The following CTNNA2 variants were observed in gnomAD, a reference collection of about 807,000 sequenced individuals.
CTNNA2 encodes the protein catenin alpha 2.
In CTNNA2, 42 loss-of-function variants were observed where a neutral mutation model predicts 101.0. That is an observed-to-expected ratio of 0.42 (90% CI 0.32 to 0.54). The LOEUF (loss-of-function observed/expected upper bound fraction) is 0.54, where lower values mean the gene tolerates loss of function less well. Among genes scored for constraint, CTNNA2 ranks in the 20% least tolerant of loss-of-function variants. CTNNA2 has a pLI of 0.14. For missense variants in CTNNA2, 871 were observed against 1,223.1 expected (o/e 0.71, Z 4.29); for synonymous variants, 450 against 456.4 (o/e 0.99, Z 0.18).
chr2:79,679,879 C>G (rs150308751), intron 2 of CTNNA2, among the ~76,000 whole-genome samples: 172 of 152,224 alleles, frequency 1.1e-3, no homozygotes, highest in African/African-American at 3.9e-3. Flanking sequence ...AACACAGAGA[C>G]AGTCTCCATG....
At position 80,508,127 on chromosome 2, in the gene CTNNA2, T is replaced by C. The variant is rs1688416063; in HGVS notation, c.1291-36855T>C. 2.0e-5 allele frequency among the ~76,000 whole-genome samples: 3 copies of C among 152,138 alleles called. No homozygotes were observed. The South Asian group carries it at 6.2e-4, about 32-fold the overall frequency. ...TAAGTTAACTCCCAACTTTTACACT[T>C]GCTGGTTAAATGTGAGACGGGTACT... On this transcript the variant is annotated intron_variant, in intron 9 of 18. Transcript: ENST00000402739.
At chr2:80,078,009 A>T (rs1000768234) in intron 7 of CTNNA2, among the ~76,000 whole-genome samples, 29 of 152,226 alleles carry the variant, frequency 1.9e-4, no homozygotes, top group African/African-American at 5.8e-4. Context: ...AGCAATTCAG[A>T]AAATAAAAGG....
chr2:80,599,137 A>G (rs1697244404), intron 15 of CTNNA2, among the ~76,000 whole-genome samples: 1 of 152,202 alleles, frequency 6.6e-6, no homozygotes, highest in Admixed American at 6.5e-5. Flanking sequence ...AGAATCTGTA[A>G]TATTTCAAAA....
chr2:80,603,898 C>T (rs1327188465), intron 15 of CTNNA2, 176 bp from the exon 16 acceptor site: 3 of 519,074 alleles, frequency 5.8e-6, no homozygotes, highest in Non-Finnish European at 1.0e-5. Flanking sequence ...GAAAATATTT[C>T]CAAAAACGAC....
chr2:79,674,232 A>G (rs776988932), intron 2 of CTNNA2, among the ~76,000 whole-genome samples: 5 of 152,184 alleles, frequency 3.3e-5, no homozygotes, highest in Non-Finnish European at 7.3e-5. Flanking sequence ...CAGTGGCCCT[A>G]TTTTAGAGAA....
chr2:80,641,651 G>GAAGTTCACCA (rs1673499838), intron 18 of CTNNA2, among the ~76,000 whole-genome samples: 1 of 151,916 alleles, frequency 6.6e-6, no homozygotes, highest in South Asian at 2.1e-4. Context: ...CTTACCTCAG[G>GAAGTTCACCA]AAGTTCACCA....
rs1435741709 is a variant in CTNNA2, at chr2:80,648,693, G to T, written c.*821G>T. On this transcript the variant is annotated 3_prime_UTR_variant, in exon 19 of 19. Transcript: ENST00000402739. ...AACTGACAACGTGTGAAAGTTAGAG[G>T]CAAATACATAGGTGTAGCTTGGAGT... The T allele has an allele frequency of 2.0e-5, 3 of 152,052 alleles. No individual in the cohort carries two copies. The highest frequency in any genetic ancestry group is 4.4e-5 in the Non-Finnish European group (3 of 68,012). 9.4% of individuals were successfully genotyped at this position (152,052 alleles called of 1,614,324 possible).
chr2:80,286,217 C>T lies in CTNNA2; in HGVS notation c.1057-106994C>T, dbSNP rs550765216. On this transcript the variant is annotated intron_variant, in intron 7 of 18. Coordinates refer to ENST00000402739, the MANE Select transcript of CTNNA2 (RefSeq NM_001282597.3). ...GATAGACCCACTGGTGGCCATGACCCAGCCTCCTAAGGAGCCCTCCGTACC... is the reference window on the plus strand; with the variant it reads ...GATAGACCCACTGGTGGCCATGACCTAGCCTCCTAAGGAGCCCTCCGTACC... 3.9e-5 allele frequency among the ~76,000 whole-genome samples: 6 copies of T among 152,250 alleles called. No individual in the cohort carries two copies. In the East Asian group the frequency reaches 7.8e-4, roughly 20 times the overall value.
chr2:79,354,049 A>C (rs966878), intron 3 of CTNNA2, among the ~76,000 whole-genome samples: 117,107 of 152,060 alleles, frequency 0.77, 45,400 homozygotes, highest in East Asian at 0.96. Context: ...CCTATGCTAG[A>C]CTGTTGGAGT....
At chr2:79,853,222 T>C (rs1297472206) in intron 3 of CTNNA2, among the ~76,000 whole-genome samples, 1 of 151,498 alleles carries the variant, frequency 6.6e-6, no homozygotes, top group Non-Finnish European at 1.5e-5. Flanking sequence ...GGTGCAATGA[T>C]AGTTCACTGC....
At chr2:79,359,020 G>T in intron 3 of CTNNA2, among the ~76,000 whole-genome samples, 1 of 152,148 alleles carries the variant, frequency 6.6e-6, no homozygotes, top group South Asian at 2.1e-4. Context: ...ACACCTACTA[G>T]ATATAACATA....
intron 7 of CTNNA2, among the ~76,000 whole-genome samples, chr2:80,104,773 G>C (rs1300917297): frequency 6.6e-6 from 1 of 152,234 alleles, no homozygotes; most frequent in East Asian, 1.9e-4. Context: ...AAGGAGGACT[G>C]CATAGCCAAG....
chr2:80,089,445 C>T (rs1307533159), intron 7 of CTNNA2, among the ~76,000 whole-genome samples: 2 of 151,894 alleles, frequency 1.3e-5, no homozygotes, highest in African/African-American at 2.4e-5. Flanking sequence ...CTCCCTTTTG[C>T]ATTTTGGGGG....
chr2:80,119,363 C>A lies in CTNNA2; in HGVS notation c.1056+209566C>A, dbSNP rs1048894111. On this transcript the variant is annotated intron_variant, in intron 7 of 18. Coordinates refer to ENST00000402739, the MANE Select transcript of CTNNA2 (RefSeq NM_001282597.3). ...CATGACAGGAAGAAATGCAGAGGGACAGGGATTGGGGAGACATAGCTGGCA... is the reference window on the plus strand; with the variant it reads ...CATGACAGGAAGAAATGCAGAGGGAAAGGGATTGGGGAGACATAGCTGGCA... Among the ~76,000 whole-genome samples the A allele has an allele frequency of 3.7e-4, 57 of 152,208 alleles. 1 individual carries two copies. The highest frequency in any genetic ancestry group is 1.3e-4 in the Non-Finnish European group (9 of 68,028).
chr2:79,564,221 T>TTTA (rs1674968196), intron 1 of CTNNA2, among the ~76,000 whole-genome samples: 1 of 151,572 alleles, frequency 6.6e-6, no homozygotes, highest in East Asian at 1.9e-4. Context: ...GTTATATACT[T>TTTA]TTAAAGATTT....
chr2:79,944,536 A>G (rs1228029827), intron 7 of CTNNA2, among the ~76,000 whole-genome samples: 1 of 152,170 alleles, frequency 6.6e-6, no homozygotes, highest in Non-Finnish European at 1.5e-5. Flanking sequence ...GGGGACTACA[A>G]ATACTGGGGC....
intron 3 of CTNNA2, among the ~76,000 whole-genome samples, chr2:79,327,148 A>C (rs748853289): frequency 1.1e-4 from 16 of 152,156 alleles, no homozygotes; most frequent in Non-Finnish European, 1.9e-4. Context: ...TAACTCTACT[A>C]TCTTTGGTAG....
At chr2:79,768,517 C>A (rs969593441) in intron 3 of CTNNA2, among the ~76,000 whole-genome samples, 3 of 151,546 alleles carry the variant, frequency 2.0e-5, no homozygotes, top group Non-Finnish European at 2.9e-5. Flanking sequence ...TCTTGCTCTG[C>A]CTCCTCCCCA....
intron 1 of CTNNA2, among the ~76,000 whole-genome samples, chr2:79,560,891 C>T (rs1674737233): frequency 6.6e-6 from 1 of 151,840 alleles, no homozygotes; most frequent in African/African-American, 2.4e-5. Flanking sequence ...GATTTTTGTT[C>T]TAAATTGTAT....
Sources: gnomAD v4.1 joint callset for allele counts (sites outside exome capture counted in the v4.1 genomes callset) on GRCh38, gnomAD v4.1.1 for gene constraint, MANE v1.5 for transcripts, NCBI Gene and HGNC (gene_info 2026-07-23, HGNC 2026-07-21) for gene names.